MAN1C1: variants seen among roughly 807,000 people sequenced by gnomAD.
MAN1C1 encodes the protein mannosidase alpha class 1C member 1.
MAN1C1 carries 49 observed loss-of-function variants against 71.5 expected under a neutral mutation model. The observed-to-expected ratio is 0.69, with a 90% CI of 0.54 to 0.87. The LOEUF (loss-of-function observed/expected upper bound fraction) is 0.87. Ranked by LOEUF, MAN1C1 falls within the 40% of genes least tolerant of loss-of-function variation. The pLI, the probability that MAN1C1 is intolerant of heterozygous loss-of-function variation, is 0.00. For synonymous variants in MAN1C1, 352 were observed against 343.7 expected, an observed-to-expected ratio of 1.02 and a Z score of -0.27; for missense variants, 743 against 835.0, an observed-to-expected ratio of 0.89 and a Z score of 1.36.
intron 1 of MAN1C1, 85 bp downstream of exon 1, chr1:25,618,422 G>C: frequency 1.5e-6 from 2 of 1,344,662 alleles, no homozygotes; most frequent in Non-Finnish European, 2.0e-6. Flanking sequence ...CCTTTCCCTT[G>C]CCTCAGTCAC....
chr1:25,743,710 G>A (rs962600906), intron 2 of MAN1C1, among the ~76,000 whole-genome samples: 1 of 152,212 alleles, frequency 6.6e-6, no homozygotes, highest in East Asian at 1.9e-4. Context: ...AGCTGGTCAC[G>A]AGGAGTCCTG....
chr1:25,691,961 C>T (rs559126008), intron 2 of MAN1C1, among the ~76,000 whole-genome samples: 2 of 152,334 alleles, frequency 1.3e-5, no homozygotes, highest in South Asian at 4.1e-4. Context: ...AATTCATCCT[C>T]CCTTGGCAGC....
intron 1 of MAN1C1, among the ~76,000 whole-genome samples, chr1:25,647,916 G>A (rs1255196125): frequency 6.6e-6 from 1 of 152,132 alleles, no homozygotes; most frequent in South Asian, 2.1e-4. Flanking sequence ...AAAGGCTGAC[G>A]TTAAAGCCTC....
chr1:25,626,422 G>A (rs1048973996), intron 1 of MAN1C1, among the ~76,000 whole-genome samples: 5 of 151,238 alleles, frequency 3.3e-5, no homozygotes, highest in East Asian at 3.9e-4. Flanking sequence ...GCAGTGGCAC[G>A]ATCTCAGCTC....
In MAN1C1 at chr1:25,730,526, C is replaced by T. The variant is rs759874932; in HGVS notation, c.638-16142C>T. 3.3e-5 allele frequency among the ~76,000 whole-genome samples: 5 copies of T among 152,048 alleles called. No homozygotes were observed. The highest frequency in any genetic ancestry group is 6.6e-5 in the Admixed American group (1 of 15,260). ...CCTCCTGAGTTCTGAGAACTGCTCT[C>T]GCCAGGAAAGCCTTGAAATGCTCCT... On this transcript the variant is annotated intron_variant, in intron 2 of 11. Coordinates refer to ENST00000374332, the MANE Select transcript of MAN1C1 (RefSeq NM_020379.4). This position sits in a 1 kb window ranked among gnomAD's most constrained non-coding sequence, Gnocchi z 4.3.
chr1:25,711,986 A>G lies in MAN1C1; in HGVS notation c.637+25450A>G, dbSNP rs2046619119. On this transcript the variant is annotated intron_variant, in intron 2 of 11. Coordinates refer to ENST00000374332, the MANE Select transcript of MAN1C1 (RefSeq NM_020379.4). This position sits in a 1 kb window ranked among gnomAD's most constrained non-coding sequence, Gnocchi z 4.3. ...CCATCCCTCTGCCCAGGCCCTGCTCATCCTGATGCAGACCACAGAGGAGGC... is the reference window on the plus strand; with the variant it reads ...CCATCCCTCTGCCCAGGCCCTGCTCGTCCTGATGCAGACCACAGAGGAGGC... Among the ~76,000 whole-genome samples, 1 of 152,142 alleles carries G rather than the reference A, an allele frequency of 6.6e-6. No homozygotes were observed. The highest frequency in any genetic ancestry group is 1.5e-5 in the Non-Finnish European group (1 of 68,018).
In MAN1C1 at chr1:25,711,708, C is replaced by T. The variant is rs2046615946; in HGVS notation, c.637+25172C>T. On this transcript the variant is annotated intron_variant, in intron 2 of 11. Transcript: ENST00000374332. The surrounding 1 kb of genome is among the most constrained non-coding windows in gnomAD (Gnocchi z 4.3). ...TGCTGCAAGCCTGCCCCGGGCCCCACTTCCTCCCCTCCTCCGTGGGTGCGC... is the reference window on the plus strand; with the variant it reads ...TGCTGCAAGCCTGCCCCGGGCCCCATTTCCTCCCCTCCTCCGTGGGTGCGC... Among the ~76,000 whole-genome samples, 2 of 151,268 alleles carry T rather than the reference C, an allele frequency of 1.3e-5. No homozygotes were observed. Among genetic ancestry groups the T allele is most frequent in the Non-Finnish European group, 2.9e-5 (2 of 67,844 alleles).
chr1:25,761,052 C>T (rs2047353102), intron 6 of MAN1C1: 1 of 152,172 alleles, frequency 6.6e-6, no homozygotes, highest in Non-Finnish European at 1.5e-5. Context: ...GGCTCTGCCA[C>T]TTAAGGACCA....
At chr1:25,706,718 C>T (rs886603038) in intron 2 of MAN1C1, among the ~76,000 whole-genome samples, 6 of 152,330 alleles carry the variant, frequency 3.9e-5, no homozygotes, top group East Asian at 1.9e-4. Context: ...GGCCCTGAAG[C>T]GGGCCACCTG....
At chr1:25,687,951 G>C (rs561077745) in intron 2 of MAN1C1, among the ~76,000 whole-genome samples, 3 of 151,458 alleles carry the variant, frequency 2.0e-5, no homozygotes, top group African/African-American at 7.3e-5. Flanking sequence ...TGTCCTTTCT[G>C]CTTTTTTTTT....
rs745618734 is a variant in MAN1C1, at chr1:25,753,437, C to T, written c.835-47C>T. ...TGCAGCAGTTCTGGGGTTGACCTTC[C>T]CTCACCCAGCCTGGAGTCAAAAGCC... is the stretch of plus-strand genomic sequence containing the variant. On this transcript the variant is annotated intron_variant, in intron 4 of 11. Coordinates refer to ENST00000374332, the MANE Select transcript of MAN1C1 (RefSeq NM_020379.4). The surrounding 1 kb of genome is among the most constrained non-coding windows in gnomAD (Gnocchi z 4.9). 6.7e-6 allele frequency: 10 copies of T among 1,484,804 alleles called. No homozygotes were observed. The highest frequency in any genetic ancestry group is 9.3e-6 in the Non-Finnish European group (10 of 1,076,264). The allele number at this position is 1,484,804 out of a possible 1,614,324, so 92.0% of individuals were successfully genotyped here.
In MAN1C1 at chr1:25,711,619, G is replaced by A. The variant is rs2046613825; in HGVS notation, c.637+25083G>A. Among the ~76,000 whole-genome samples, 1 of 152,192 alleles carries A rather than the reference G, an allele frequency of 6.6e-6. No individual in the cohort carries two copies. The highest frequency in any genetic ancestry group is 2.4e-5 in the African/African-American group (1 of 41,438). The stretch of plus-strand genomic sequence containing the variant: ...CATTCTGCATGTATTGAGCACCACT[G>A]TGTGCCAGGCCCTGCTCCCTGCGGC... On this transcript the variant is annotated intron_variant, in intron 2 of 11. Transcript: ENST00000374332. This position sits in a 1 kb window ranked among gnomAD's most constrained non-coding sequence, Gnocchi z 4.3.
chr1:25,655,687 T>C (rs928089199), intron 1 of MAN1C1, among the ~76,000 whole-genome samples: 3 of 152,082 alleles, frequency 2.0e-5, no homozygotes, highest in African/African-American at 7.2e-5. Context: ...GGCCTCTAAT[T>C]AGGGGTACTG....
intron 2 of MAN1C1, among the ~76,000 whole-genome samples, chr1:25,740,658 G>A (rs150793790): frequency 2.2e-4 from 33 of 151,952 alleles, no homozygotes; most frequent in Non-Finnish European, 3.8e-4. Flanking sequence ...GGATGGTCTC[G>A]ATCTCCTGAC....
At chr1:25,688,665 G>T (rs2046267054) in intron 2 of MAN1C1, among the ~76,000 whole-genome samples, 1 of 152,220 alleles carries the variant, frequency 6.6e-6, no homozygotes, top group Non-Finnish European at 1.5e-5. Context: ...ATTAGAATCA[G>T]ATGACCTGGG....
At chr1:25,671,199 G>A (rs2045988301) in intron 1 of MAN1C1, among the ~76,000 whole-genome samples, 1 of 152,174 alleles carries the variant, frequency 6.6e-6, no homozygotes, top group African/African-American at 2.4e-5. Flanking sequence ...TTTGTTCCAT[G>A]TCCTTGGGCA....
intron 1 of MAN1C1, among the ~76,000 whole-genome samples, chr1:25,660,903 C>G (rs1229015614): frequency 2.6e-5 from 4 of 151,648 alleles, no homozygotes; most frequent in Non-Finnish European, 5.9e-5. Flanking sequence ...GTTGCCCAGG[C>G]TGGTCTCAAA....
rs1377802163 is a variant in MAN1C1, at chr1:25,730,637, G to A, written c.638-16031G>A. Among the ~76,000 whole-genome samples the A allele has an allele frequency of 1.3e-5, 2 of 152,210 alleles. No individual in the cohort carries two copies. Among genetic ancestry groups the A allele is most frequent in the Non-Finnish European group, 2.9e-5 (2 of 68,038 alleles). ...GGGCCGTGGCACGTTTGCTGCATTT[G>A]TGAATTGTTTGGGCACTGAGGTCTG... On this transcript the variant is annotated intron_variant, in intron 2 of 11. Coordinates refer to ENST00000374332, the MANE Select transcript of MAN1C1 (RefSeq NM_020379.4). The surrounding 1 kb of genome is among the most constrained non-coding windows in gnomAD (Gnocchi z 4.3).
At chr1:25,632,693 T>C (rs1248903243) in intron 1 of MAN1C1, among the ~76,000 whole-genome samples, 1 of 152,172 alleles carries the variant, frequency 6.6e-6, no homozygotes. Flanking sequence ...GTGTCACTGT[T>C]ATTCATTTCA....
Sources: allele counts gnomAD v4.1 joint callset (sites outside exome capture counted in the v4.1 genomes callset), GRCh38; gene constraint gnomAD v4.1.1; non-coding constraint Gnocchi (gnomAD v3.1); transcripts MANE v1.5; gene names NCBI Gene and HGNC (gene_info 2026-07-23, HGNC 2026-07-21).